CAMK1D: variants seen among roughly 807,000 people sequenced by gnomAD.
The protein encoded by CAMK1D is calcium/calmodulin dependent protein kinase ID.
Under a neutral mutation model 47.7 loss-of-function variants are expected in CAMK1D, and 9 were observed. The observed-to-expected ratio is 0.19, with a 90% confidence interval of 0.11 to 0.33. CAMK1D has a LOEUF of 0.33. CAMK1D is among the 10% of genes least tolerant of loss of function. CAMK1D has a pLI of 1.00. For synonymous variants in CAMK1D, 184 were observed against 184.9 expected (o/e 0.99, Z 0.04); for missense variants, 291 against 488.7 (o/e 0.60, Z 3.81).
intron 3 of CAMK1D, among the ~76,000 whole-genome samples, chr10:12,738,397 C>T (rs1020933578): frequency 6.6e-6 from 1 of 152,188 alleles, no homozygotes; most frequent in African/African-American, 2.4e-5. Context: ...TGAGCTCTTT[C>T]CTGTCGTCGT....
At chr10:12,464,219 A>C (rs1161913906) in intron 1 of CAMK1D, among the ~76,000 whole-genome samples, 1 of 152,178 alleles carries the variant, frequency 6.6e-6, no homozygotes, top group Non-Finnish European at 1.5e-5. Context: ...GTGACTAGGT[A>C]AGAAATTAAA....
intron 1 of CAMK1D, among the ~76,000 whole-genome samples, chr10:12,379,644 T>G (rs1838282796): frequency 6.6e-6 from 1 of 151,982 alleles, no homozygotes; most frequent in Non-Finnish European, 1.5e-5. Flanking sequence ...TCCCAGCTAC[T>G]CGGGAGGCTG....
At chr10:12,770,929 G>C (rs1438488033) in intron 5 of CAMK1D, among the ~76,000 whole-genome samples, 1 of 151,880 alleles carries the variant, frequency 6.6e-6, no homozygotes, top group Non-Finnish European at 1.5e-5. Context: ...CTTTTTTGTG[G>C]GGGGTGGGGG....
At chr10:12,360,251 G>T (rs188721281) in intron 1 of CAMK1D, among the ~76,000 whole-genome samples, 12 of 152,152 alleles carry the variant, frequency 7.9e-5, no homozygotes, top group African/African-American at 2.2e-4. Context: ...TAAAGGTATC[G>T]TATTAAATAA....
chr10:12,613,612 G>A, intron 2 of CAMK1D, among the ~76,000 whole-genome samples: 1 of 152,152 alleles, frequency 6.6e-6, no homozygotes, highest in East Asian at 1.9e-4. Flanking sequence ...CTGAGTAGCT[G>A]GGATTACAGG....
intron 3 of CAMK1D, among the ~76,000 whole-genome samples, chr10:12,722,983 A>C (rs2130789810): frequency 6.6e-6 from 1 of 152,250 alleles, no homozygotes; most frequent in African/African-American, 2.4e-5. Context: ...TGTGGGCTGG[A>C]ATTTGAGTGT....
At chr10:12,672,636 G>C (rs998167317) in intron 3 of CAMK1D, among the ~76,000 whole-genome samples, 11 of 152,098 alleles carry the variant, frequency 7.2e-5, no homozygotes, top group South Asian at 6.2e-4. Context: ...CTCCCAAGGT[G>C]CTGGGATTAC....
intron 1 of CAMK1D, among the ~76,000 whole-genome samples, chr10:12,541,104 C>T (rs1836155397): frequency 6.6e-6 from 1 of 152,084 alleles, no homozygotes; most frequent in Non-Finnish European, 1.5e-5. Context: ...TTCTTCAAGC[C>T]TGTGAAAGCA....
chr10:12,365,600 G>A lies in CAMK1D; in HGVS notation c.92+15690G>A, dbSNP rs368739589. Among the ~76,000 whole-genome samples, 23 of 151,862 alleles carry A rather than the reference G, an allele frequency of 1.5e-4. No individual in the cohort carries two copies. In the East Asian group the frequency reaches 2.6e-3, roughly 17 times the overall value. ...ACTACAGGCGCTTGCCACCATGCCC[G>A]GCTAATTTTTTGTATTTTTAGTAGA... On this transcript the variant is annotated intron_variant, in intron 1 of 10. Transcript: ENST00000619168.
chr10:12,617,311 G>A (rs1051694407), intron 2 of CAMK1D, among the ~76,000 whole-genome samples: 12 of 152,104 alleles, frequency 7.9e-5, no homozygotes, highest in Non-Finnish European at 4.4e-5. Flanking sequence ...GAAGACAAAT[G>A]AGGAAAAATA....
chr10:12,544,832 A>AGTGGATAGTACTAGTGTTG (rs1836310466), intron 1 of CAMK1D, among the ~76,000 whole-genome samples: 1 of 103,584 alleles, frequency 9.7e-6, no homozygotes. Context: ...TACTAGTGTT[A>AGTGGATAGTACTAGTGTTG]AGTGGATAGT....
rs1219530496 is a variant in CAMK1D, at chr10:12,553,207, T to C, written c.93-18T>C. Reference sequence around the variant, plus strand: ...GACTTCTGCATCTAAGTGTTCTTTTTTCCTTCTTTGTTCACAGCGGGGCCT... The same window carrying C: ...GACTTCTGCATCTAAGTGTTCTTTTCTCCTTCTTTGTTCACAGCGGGGCCT... On this transcript the variant is annotated intron_variant, in intron 1 of 10. Coordinates refer to ENST00000619168, the MANE Select transcript of CAMK1D (RefSeq NM_153498.4). 3.7e-6 allele frequency: 6 copies of C among 1,613,656 alleles called. No homozygotes were observed. The highest frequency in any genetic ancestry group is 5.1e-6 in the Non-Finnish European group (6 of 1,179,856).
At chr10:12,456,899 C>G (rs1368458848) in intron 1 of CAMK1D, among the ~76,000 whole-genome samples, 2 of 152,008 alleles carry the variant, frequency 1.3e-5, no homozygotes, top group African/African-American at 4.8e-5. Flanking sequence ...CCCAGCAGTC[C>G]TGTTTCTGGG....
chr10:12,573,497 C>A (rs1256102278), intron 2 of CAMK1D, among the ~76,000 whole-genome samples: 1 of 152,196 alleles, frequency 6.6e-6, no homozygotes, highest in African/African-American at 2.4e-5. Flanking sequence ...ATGGAGCACA[C>A]ACTTATTGGC....
intron 6 of CAMK1D, among the ~76,000 whole-genome samples, chr10:12,799,305 G>A (rs533990246): frequency 6.6e-6 from 1 of 152,310 alleles, no homozygotes; most frequent in Admixed American, 6.5e-5. Context: ...AAAGTGCAGT[G>A]AAAGGCCTCA....
intron 1 of CAMK1D, among the ~76,000 whole-genome samples, chr10:12,489,190 G>A (rs1182994337): frequency 2.6e-5 from 4 of 152,176 alleles, no homozygotes; most frequent in Non-Finnish European, 5.9e-5. Context: ...CGCCGGCCTC[G>A]GCCTCCCAAA....
intron 1 of CAMK1D, among the ~76,000 whole-genome samples, chr10:12,462,313 G>A (rs929573370): frequency 2.0e-5 from 3 of 151,738 alleles, no homozygotes; most frequent in Admixed American, 1.3e-4. Context: ...CTACGGGCAC[G>A]CGCCACCGTG....
At chr10:12,353,801 C>A (rs1407673162) in intron 1 of CAMK1D, among the ~76,000 whole-genome samples, 1 of 152,090 alleles carries the variant, frequency 6.6e-6, no homozygotes, top group Non-Finnish European at 1.5e-5. Flanking sequence ...AGACCCTTGG[C>A]ACACTATGAG....
intron 2 of CAMK1D, among the ~76,000 whole-genome samples, chr10:12,650,907 C>CA (rs1183531756): frequency 1.4e-4 from 22 of 152,274 alleles, no homozygotes; most frequent in Admixed American, 7.2e-4. Flanking sequence ...CATCTCGCCC[C>CA]ACACCCTTAC....
Sources: gnomAD v4.1 joint callset for allele counts (sites outside exome capture counted in the v4.1 genomes callset) on GRCh38, gnomAD v4.1.1 for gene constraint, MANE v1.5 for transcripts, NCBI Gene and HGNC (gene_info 2026-07-23, HGNC 2026-07-21) for gene names.